The following TUBA1C variants were observed in gnomAD, a reference collection of about 807,000 sequenced individuals.
TUBA1C encodes the protein tubulin alpha 1c.
TUBA1C carries 16 observed loss-of-function variants against 34.9 expected under a neutral mutation model. That is an observed-to-expected ratio of 0.46 (90% CI 0.31 to 0.70). The LOEUF (loss-of-function observed/expected upper bound fraction) is 0.70, where lower values mean the gene tolerates loss of function less well. Among genes scored for constraint, TUBA1C ranks in the 30% least tolerant of loss-of-function variants. TUBA1C has a pLI of 0.05. For synonymous variants in TUBA1C, 177 were observed against 215.9 expected (o/e 0.82, Z 1.58); for missense variants, 329 against 587.3 (o/e 0.56, Z 4.55).
chr12:49,247,961 AAAGAG>A lies in TUBA1C; in HGVS notation c.213+19797_213+19801del, dbSNP rs574632022. Among the ~76,000 whole-genome samples the A allele has an allele frequency of 1.2e-3, 186 of 150,802 alleles. 1 individual carries two copies. In the Middle Eastern group the frequency reaches 0.014, roughly 11 times the overall value. ...AGATTCCGTCTCAAAAAAAAAAAAA[AAAGAG>A]AGAAAGAAAGAAAGAAAAGTAAAAT... On this transcript the variant is annotated intron_variant, in intron 1 of 3. Coordinates refer to the TUBA1C transcript ENST00000541364.
exon 1 of TUBA1C, chr12:49,227,974 G>A: frequency 2.6e-6 from 4 of 1,535,690 alleles, no homozygotes; most frequent in Non-Finnish European, 2.6e-6. Flanking sequence ...GGTTCAATGG[G>A]GTGGAGGAGC....
At chr12:49,241,578 T>C (rs1460944435) in intron 1 of TUBA1C, among the ~76,000 whole-genome samples, 1 of 152,128 alleles carries the variant, frequency 6.6e-6, no homozygotes, top group Non-Finnish European at 1.5e-5. Flanking sequence ...ATTTCTGGTG[T>C]ATGATAAATG....
At position 49,269,522 on chromosome 12, in the gene TUBA1C, T is replaced by C. The variant is rs1268809770; in HGVS notation, c.61T>C (p.Trp21Arg). 6.2e-7 allele frequency: 1 copy of C among 1,614,258 alleles called. No individual in the cohort carries two copies. Among genetic ancestry groups the C allele is most frequent in the South Asian group, 1.1e-5 (1 of 91,086 alleles). The change falls in exon 2 of 4, where the codon TGG (tryptophan) becomes CGG (arginine). Residue 21 changes from tryptophan to arginine, a missense_variant. Transcript: ENST00000301072. ...TGGTGTCCAGATTGGCAATGCCTGCTGGGAGCTCTACTGCCTGGAACACGG... is the reference window on the plus strand; with the variant it reads ...TGGTGTCCAGATTGGCAATGCCTGCCGGGAGCTCTACTGCCTGGAACACGG... ...QAGVQIGNAC[W>R]ELYCLEHGIQ... is the part of the protein sequence containing the mutation.
upstream of TUBA1C, chr12:49,264,993 A>T: frequency 1.3e-6 from 1 of 795,234 alleles, no homozygotes; most frequent in Non-Finnish European, 1.7e-6. Context: ...GTGGGGCCGC[A>T]GCGGCACGGG....
At chr12:49,237,938 G>A (rs1312862576) in intron 1 of TUBA1C, among the ~76,000 whole-genome samples, 2 of 151,704 alleles carry the variant, frequency 1.3e-5, no homozygotes, top group East Asian at 1.9e-4. Context: ...GGGAAAACTC[G>A]TCTCTACTAA....
At chr12:49,265,049 T>G (rs2137015324), upstream of TUBA1C, 1 of 1,240,006 alleles carries the variant, frequency 8.1e-7, no homozygotes, top group Non-Finnish European at 1.0e-6. Flanking sequence ...GGGGACCGGG[T>G]ATATAAGGCC....
intron 1 of TUBA1C, among the ~76,000 whole-genome samples, chr12:49,231,326 T>A (rs1355259534): frequency 6.6e-6 from 1 of 152,034 alleles, no homozygotes. Flanking sequence ...GCACCACCAC[T>A]CCCAGCTCTA....
chr12:49,257,843 TA>T (rs748253214), intron 1 of TUBA1C: 1,159 of 173,588 alleles, frequency 6.7e-3, no homozygotes, highest in South Asian at 0.021. Context: ...ACAAAAAGTT[TA>T]AAAAAAAAAA....
chr12:49,267,289 G>A (rs1942927338), intron 1 of TUBA1C, among the ~76,000 whole-genome samples: 1 of 152,218 alleles, frequency 6.6e-6, no homozygotes, highest in Non-Finnish European at 1.5e-5. Flanking sequence ...ATCTCCTTGG[G>A]CCTGGGGGCC....
rs905119554 is a variant in TUBA1C at position 49,274,550 on chromosome 12, A to G, written c.*1323A>G. 2 of 152,106 alleles carry G rather than the reference A, an allele frequency of 1.3e-5. No homozygotes were observed. Among genetic ancestry groups the G allele is most frequent in the Non-Finnish European group, 2.9e-5 (2 of 68,040 alleles). The allele number at this position is 152,106 out of a possible 1,614,324, so 9.4% of individuals were successfully genotyped here. On this transcript the variant is annotated 3_prime_UTR_variant, in exon 4 of 4. Coordinates refer to ENST00000301072, the MANE Select transcript of TUBA1C (RefSeq NM_032704.5). The stretch of plus-strand genomic sequence containing the variant: ...GGAGCCAAAATTCAAGTGCCCAGCC[A>G]CACTGCCAGAACTATTGCTGTCAGT...
chr12:49,237,747 AAAGAG>A, intron 1 of TUBA1C, among the ~76,000 whole-genome samples: 1 of 150,570 alleles, frequency 6.6e-6, no homozygotes, highest in South Asian at 2.1e-4. Context: ...CAAAAAAAAA[AAAGAG>A]AGAGAGAGAA....
Position 49,233,238 on chromosome 12 carries a change from G to A in TUBA1C, c.213+5072G>A, listed in dbSNP as rs574966662. On this transcript the variant is annotated intron_variant, in intron 1 of 3. Coordinates refer to the TUBA1C transcript ENST00000541364. ...CTGCACAGTATCAACGTTATCAGCTGCCCTGTTCATGTCGCCTCTCCCTGA... is the reference window on the plus strand; with the variant it reads ...CTGCACAGTATCAACGTTATCAGCTACCCTGTTCATGTCGCCTCTCCCTGA... 4 of 152,380 alleles carry A rather than the reference G, an allele frequency of 2.6e-5. No homozygotes were observed. The South Asian group carries it at 6.2e-4, about 24-fold the overall frequency. The allele number at this position is 152,380 out of a possible 1,614,324, so 9.4% of individuals were successfully genotyped here.
intron 3 of TUBA1C, among the ~76,000 whole-genome samples, chr12:49,270,854 C>A (rs1362024019): frequency 6.6e-6 from 1 of 152,104 alleles, no homozygotes; most frequent in Admixed American, 6.6e-5. Flanking sequence ...TGGTGGGCGC[C>A]TGTAGTCCTA....
At chr12:49,231,452 G>A (rs545671268) in intron 1 of TUBA1C, among the ~76,000 whole-genome samples, 1 of 152,276 alleles carries the variant, frequency 6.6e-6, no homozygotes, top group South Asian at 2.1e-4. Context: ...TTACAGGTGT[G>A]AGCCAGCACT....
At chr12:49,270,885 A>G (rs1350492062) in intron 3 of TUBA1C, among the ~76,000 whole-genome samples, 4 of 152,190 alleles carry the variant, frequency 2.6e-5, no homozygotes, top group Non-Finnish European at 5.9e-5. Flanking sequence ...AGGCTGAGGC[A>G]GGAGAATGGC....
At chr12:49,238,808 TAGAG>T (rs1942583781) in intron 1 of TUBA1C, among the ~76,000 whole-genome samples, 1 of 151,912 alleles carries the variant, frequency 6.6e-6, no homozygotes, top group Non-Finnish European at 1.5e-5. Flanking sequence ...AACAACCAGA[TAGAG>T]AGATGCATAG....
At chr12:49,267,771 CTTGA>C (rs1942934876) in intron 1 of TUBA1C, among the ~76,000 whole-genome samples, 1 of 152,118 alleles carries the variant, frequency 6.6e-6, no homozygotes, top group African/African-American at 2.4e-5. Flanking sequence ...GTTAAGAGAC[CTTGA>C]TTGTTTCATG....
intron 1 of TUBA1C, among the ~76,000 whole-genome samples, chr12:49,254,976 G>A (rs983013901): frequency 2.6e-5 from 4 of 151,950 alleles, no homozygotes; most frequent in African/African-American, 9.7e-5. Flanking sequence ...GTAGAAACGG[G>A]GTCCCTCTGT....
Position 49,252,687 on chromosome 12 carries a change from G to C in TUBA1C, c.214-16778G>C, listed in dbSNP as rs187370590. Reference sequence around the variant, plus strand: ...AGCACTTTGGGAGGCCGAGGCGGGTGGATCACGAGGTCAGGAGATCGAGAC... The same window carrying C: ...AGCACTTTGGGAGGCCGAGGCGGGTCGATCACGAGGTCAGGAGATCGAGAC... On this transcript the variant is annotated intron_variant, in intron 1 of 3. Coordinates refer to the TUBA1C transcript ENST00000541364. Among the ~76,000 whole-genome samples, 505 of 152,302 alleles carry C rather than the reference G, an allele frequency of 3.3e-3. 4 individuals are homozygous for C. Among genetic ancestry groups the C allele is most frequent in the African/African-American group, 0.012 (498 of 41,572 alleles).
Sources: gnomAD v4.1 joint callset for allele counts (sites outside exome capture counted in the v4.1 genomes callset) on GRCh38, gnomAD v4.1.1 for gene constraint, MANE v1.5 for transcripts, NCBI Gene and HGNC (gene_info 2026-07-23, HGNC 2026-07-21) for gene names.